Variants in NUP54 observed in about 807,000 individuals in gnomAD.
NUP54 encodes nucleoporin p54.
In NUP54, 27 loss-of-function variants were observed where a neutral mutation model predicts 66.4. The ratio of observed to expected loss-of-function variants is 0.41; its 90% CI spans 0.30 to 0.56. The LOEUF is 0.56. Among genes scored for constraint, NUP54 ranks in the 20% least tolerant of loss-of-function variants. NUP54 has a pLI of 0.34. For synonymous variants in NUP54, 206 were observed against 210.7 expected (o/e 0.98, Z 0.19); for missense variants, 486 against 596.3 (o/e 0.82, Z 1.93).
At chr4:76,130,809 G>T in intron 7 of NUP54, 60 bp from the exon 8 acceptor site, 1 of 1,124,402 alleles carries the variant, frequency 8.9e-7, no homozygotes, top group Non-Finnish European at 1.3e-6. Context: ...AATACAAGAA[G>T]TGAAGGTTTT....
At chr4:76,119,264 T>C (rs1730117730) in intron 9 of NUP54, among the ~76,000 whole-genome samples, 1 of 152,166 alleles carries the variant, frequency 6.6e-6, no homozygotes, top group South Asian at 2.1e-4. Flanking sequence ...TAGTGCTAAC[T>C]GATGTTTATT....
At chr4:76,146,178 T>C (rs750701212) in intron 1 of NUP54, 8 of 425,720 alleles carry the variant, frequency 1.9e-5, no homozygotes, top group South Asian at 1.4e-4. Flanking sequence ...ATCAGCCCTT[T>C]GCTGAAGGTT....
Position 76,115,318 on chromosome 4 carries a change from G to A in NUP54, c.*48C>T. ...GTTTCATTCTTAAGGAAGGTCTGAT[G>A]CAGTAAGAAGATGCATTTCACAAAC... On this transcript the variant is annotated 3_prime_UTR_variant, in exon 12 of 12. Coordinates refer to ENST00000264883, the MANE Select transcript of NUP54 (RefSeq NM_017426.4). 6.7e-7 allele frequency: 1 copy of A among 1,482,132 alleles called. No individual in the cohort carries two copies. Among genetic ancestry groups the A allele is most frequent in the Non-Finnish European group, 9.0e-7 (1 of 1,114,668 alleles). The allele number at this position is 1,482,132 out of a possible 1,614,324, so 91.8% of individuals were successfully genotyped here. A position where few individuals can be genotyped will look rare whatever the true frequency, so the allele number is the denominator to read the frequency against.
chr4:76,148,369 G>C lies in NUP54; in HGVS notation c.6C>G (p.Ala2=). The C allele has an allele frequency of 6.5e-7, 1 of 1,543,614 alleles. No individual in the cohort carries two copies. Among genetic ancestry groups the C allele is most frequent in the Non-Finnish European group, 8.7e-7 (1 of 1,146,178 alleles). Residue 2 remains alanine, a synonymous_variant, in exon 1 of 12, where the codon GCC becomes GCG. Coordinates refer to ENST00000264883, the MANE Select transcript of NUP54 (RefSeq NM_017426.4). M[A]FNFGAPSGTS... is the part of the protein sequence containing the mutation. ...TGCCCGAGGGAGCCCCAAAATTGAA[G>C]GCCATGTCGCGAAAGCAGGAGACCA...
At chr4:76,119,669 T>C (rs536164201) in intron 9 of NUP54, among the ~76,000 whole-genome samples, 24 of 152,118 alleles carry the variant, frequency 1.6e-4, no homozygotes, top group African/African-American at 5.8e-4. Flanking sequence ...TGGGCCACTG[T>C]GCCAGGCTGC....
chr4:76,128,244 C>A (rs1329781043), intron 8 of NUP54, among the ~76,000 whole-genome samples: 1 of 151,890 alleles, frequency 6.6e-6, no homozygotes, highest in Non-Finnish European at 1.5e-5. Context: ...GCATCTGGGC[C>A]TCTACACATT....
rs201382139 is a variant in NUP54 at position 76,144,393 on chromosome 4, T to C, written c.148A>G (p.Thr50Ala). 6.7e-5 allele frequency: 108 copies of C among 1,607,058 alleles called. No homozygotes were observed. The Middle Eastern group carries it at 1.0e-3, about 15-fold the overall frequency. Residue 50 changes from threonine (T) to alanine (A), a missense_variant, in exon 2 of 12, where the codon ACT becomes GCT. By Grantham distance (58) the Thr-to-Ala change is moderately conservative. Coordinates refer to ENST00000264883, the MANE Select transcript of NUP54 (RefSeq NM_017426.4). Reference sequence around the variant, plus strand: ...ATGACTTAAGATGGCCTCTTACCAGTAGTGCCTGTGTTAGTTGGGGCAGAA... The same window carrying C: ...ATGACTTAAGATGGCCTCTTACCAGCAGTGCCTGTGTTAGTTGGGGCAGAA... ...SFSAPTNTGT[T>A]GLFGGTQNKG... is the part of the protein sequence containing the mutation.
At chr4:76,117,903 C>G in intron 10 of NUP54, 129 bp from the exon 11 acceptor site, 2 of 981,082 alleles carry the variant, frequency 2.0e-6, no homozygotes, top group East Asian at 2.4e-5. Flanking sequence ...ACATTATATT[C>G]GAAACACTAA....
At chr4:76,128,068 GA>G (rs1260818780) in intron 8 of NUP54, among the ~76,000 whole-genome samples, 1 of 152,148 alleles carries the variant, frequency 6.6e-6, no homozygotes, top group Non-Finnish European at 1.5e-5. Flanking sequence ...CTCAAACCTG[GA>G]AATGAGCATA....
intron 10 of NUP54, 68 bp downstream of exon 10, chr4:76,118,007 T>C: frequency 1.3e-6 from 2 of 1,511,914 alleles, no homozygotes; most frequent in Non-Finnish European, 1.8e-6. Flanking sequence ...TGCTTGAAGA[T>C]TACATAACTT....
chr4:76,147,863 T>A, intron 1 of NUP54: 1 of 338,344 alleles, frequency 3.0e-6, no homozygotes, highest in Non-Finnish European at 5.7e-6. Flanking sequence ...GGGCCGGGGG[T>A]GGAACTAAGG....
intron 1 of NUP54, chr4:76,145,495 T>A (rs1298280697): frequency 9.7e-6 from 9 of 929,570 alleles, no homozygotes; most frequent in Non-Finnish European, 1.3e-5. Flanking sequence ...AACTTATATT[T>A]CTACTTAGTC....
chr4:76,121,154 T>C (rs190717910), intron 9 of NUP54, among the ~76,000 whole-genome samples: 2 of 152,340 alleles, frequency 1.3e-5, no homozygotes, highest in African/African-American at 4.8e-5. Context: ...GGTCTAATTT[T>C]CTTTTCTTCC....
chr4:76,121,389 C>CT (rs1730228334), intron 9 of NUP54, among the ~76,000 whole-genome samples: 1 of 152,278 alleles, frequency 6.6e-6, no homozygotes, highest in South Asian at 2.1e-4. Flanking sequence ...TTCACTATTT[C>CT]TTTTTTGTTC....
chr4:76,124,773 TGGGGG>T lies in NUP54; in HGVS notation c.1057-22_1057-18del. ...AGATATGATCTGTTTAAAAAAAAATTGGGGGGGGGAGGGTTAATCAAATATCACAA... is the reference window on the plus strand; with the variant it reads ...AGATATGATCTGTTTAAAAAAAAATTGGGGAGGGTTAATCAAATATCACAA... On this transcript the variant is annotated intron_variant, in intron 8 of 11. Transcript: ENST00000264883. The T allele has an allele frequency of 2.3e-6, 1 of 438,032 alleles. No individual in the cohort carries two copies. The highest frequency in any genetic ancestry group is 4.1e-6 in the Non-Finnish European group (1 of 241,642). The allele number at this position is 438,032 out of a possible 1,614,324, so 27.1% of individuals were successfully genotyped here.
intron 6 of NUP54, 133 bp downstream of exon 6, chr4:76,132,390 C>A: frequency 7.1e-6 from 4 of 564,018 alleles, no homozygotes; most frequent in South Asian, 1.0e-4. Flanking sequence ...AACTATTTCC[C>A]AAATAAGTAG....
At chr4:76,116,401 A>T (rs1262825719) in intron 11 of NUP54, among the ~76,000 whole-genome samples, 1 of 152,210 alleles carries the variant, frequency 6.6e-6, no homozygotes, top group Non-Finnish European at 1.5e-5. Flanking sequence ...GGGCCATGCC[A>T]ACAGTCATTA....
At chr4:76,145,115 G>C (rs897700319) in intron 1 of NUP54, among the ~76,000 whole-genome samples, 1 of 151,788 alleles carries the variant, frequency 6.6e-6, no homozygotes, top group South Asian at 2.1e-4. Context: ...TCAGGAGATC[G>C]AGACCATCCT....
intron 1 of NUP54, among the ~76,000 whole-genome samples, chr4:76,146,683 GT>G (rs1298874937): frequency 6.6e-6 from 1 of 152,108 alleles, no homozygotes; most frequent in African/African-American, 2.4e-5. Context: ...TGAAGAACAA[GT>G]TTTTTTCTAC....
Sources: allele counts gnomAD v4.1 joint callset (sites outside exome capture counted in the v4.1 genomes callset), GRCh38; gene constraint gnomAD v4.1.1; transcripts MANE v1.5; gene names NCBI Gene and HGNC (gene_info 2026-07-23, HGNC 2026-07-21).